The following C7 variants were observed in gnomAD, a reference collection of about 807,000 sequenced individuals.
C7 encodes complement C7.
C7 carries 83 observed loss-of-function variants against 104.8 expected under a neutral mutation model. The observed-to-expected ratio is 0.79, with a 90% CI of 0.66 to 0.95. The LOEUF (loss-of-function observed/expected upper bound fraction) is 0.95, where lower values mean the gene tolerates loss of function less well. Ranked by LOEUF, C7 falls within the 40% of genes least tolerant of loss-of-function variation. C7 has a pLI of 0.00. For missense variants in C7, 1,070 were observed against 1,011.2 expected (o/e 1.06, Z -0.79); for synonymous variants, 415 against 360.6 (o/e 1.15, Z -1.71).
At chr5:40,935,366 A>C (rs1739790005) in intron 4 of C7, among the ~76,000 whole-genome samples, 1 of 152,234 alleles carries the variant, frequency 6.6e-6, no homozygotes, top group Non-Finnish European at 1.5e-5. Context: ...CCTGGTACAT[A>C]ATAAGTTCTC....
At chr5:40,958,442 T>C (rs1283460002) in intron 11 of C7, among the ~76,000 whole-genome samples, 181 bp downstream of exon 11, 1 of 152,218 alleles carries the variant, frequency 6.6e-6, no homozygotes, top group African/African-American at 2.4e-5. Context: ...TTTGCTGTTA[T>C]CTCTATTTAT....
At chr5:40,919,720 T>C (rs2111619802) in intron 1 of C7, among the ~76,000 whole-genome samples, 1 of 152,042 alleles carries the variant, frequency 6.6e-6, no homozygotes, top group East Asian at 1.9e-4. Context: ...CAACAACCAA[T>C]AGGTCAATGA....
In C7 at chr5:40,945,863, C is replaced by CA. The variant is rs1164817868; in HGVS notation, c.738+504dup. On this transcript the variant is annotated intron_variant, in intron 7 of 17. Transcript: ENST00000313164. ...TGGGCAACAGAGTGAGACCCTGTCT[C>CA]AAAAAAAAATACATATATATATATA... Among the ~76,000 whole-genome samples, 86 of 105,546 alleles carry CA rather than the reference C, an allele frequency of 8.1e-4. 1 individual carries two copies. The highest frequency in any genetic ancestry group is 2.2e-3 in the African/African-American group (68 of 30,900). 69.2% of individuals were successfully genotyped at this position (105,546 alleles called of 152,430 possible). A position where few individuals can be genotyped will look rare whatever the true frequency, so the allele number is the denominator to read the frequency against.
At chr5:40,917,766 T>C (rs1489642051) in intron 1 of C7, among the ~76,000 whole-genome samples, 1 of 152,214 alleles carries the variant, frequency 6.6e-6, no homozygotes, top group African/African-American at 2.4e-5. Flanking sequence ...CATGGTTCTT[T>C]CACTTTTTAT....
intron 1 of C7, among the ~76,000 whole-genome samples, chr5:40,920,715 C>G (rs1739420736): frequency 6.6e-6 from 1 of 151,998 alleles, no homozygotes; most frequent in Non-Finnish European, 1.5e-5. Context: ...GGGAAGAGGT[C>G]AAGTTATTCT....
Position 40,972,472 on chromosome 5 carries a change from T to G in C7, c.1952T>G (p.Val651Gly). Reference protein sequence around the residue: ...QSHPQKPFYTVGEKVTVSCSG... With the variant: ...QSHPQKPFYTGGEKVTVSCSG... ...CACCCCCAAAAACCTTTCTACACAG[T>G]TGGTGAGAAGGTGACTGTTTCCTGT... is the stretch of plus-strand genomic sequence containing the variant. Residue 651 changes from valine (V) to glycine (G), a missense_variant, in exon 15 of 18, where the codon GTT becomes GGT. Coordinates refer to ENST00000313164, the MANE Select transcript of C7 (RefSeq NM_000587.4). 2.5e-6 allele frequency: 4 copies of G among 1,613,860 alleles called. No individual in the cohort carries two copies. The highest frequency in any genetic ancestry group is 2.5e-6 in the Non-Finnish European group (3 of 1,179,768).
At chr5:40,942,274 G>C (rs1739956325) in intron 6 of C7, among the ~76,000 whole-genome samples, 1 of 152,176 alleles carries the variant, frequency 6.6e-6, no homozygotes, top group Non-Finnish European at 1.5e-5. Flanking sequence ...GGTTGTATTA[G>C]AACATGTATG....
At chr5:40,968,951 C>A (rs1423965850) in intron 14 of C7, among the ~76,000 whole-genome samples, 1 of 151,838 alleles carries the variant, frequency 6.6e-6, no homozygotes. Flanking sequence ...TACTTTTTTA[C>A]TGCATAGTGA....
intron 1 of C7, among the ~76,000 whole-genome samples, chr5:40,924,534 G>A (rs1739511622): frequency 6.6e-6 from 1 of 152,182 alleles, no homozygotes; most frequent in South Asian, 2.1e-4. Context: ...ACTCCAGTGG[G>A]GACTGTGTGG....
chr5:40,950,146 C>A (rs571651656), intron 9 of C7, 132 bp downstream of exon 9: 43 of 612,636 alleles, frequency 7.0e-5, no homozygotes, highest in Non-Finnish European at 3.5e-5. Context: ...TATTTTGTCA[C>A]CCAAGTATTA....
intron 6 of C7, among the ~76,000 whole-genome samples, chr5:40,937,919 T>C (rs1295926539): frequency 1.3e-5 from 2 of 152,278 alleles, no homozygotes; most frequent in East Asian, 3.9e-4. Flanking sequence ...TATACCTCAT[T>C]TGTAACTTCA....
intron 1 of C7, among the ~76,000 whole-genome samples, chr5:40,913,427 A>C (rs1160112465): frequency 3.3e-5 from 5 of 152,110 alleles, no homozygotes. Flanking sequence ...CCAATAGTAT[A>C]TATTGGTGGG....
intron 1 of C7, among the ~76,000 whole-genome samples, chr5:40,917,218 C>T (rs1167366538): frequency 6.6e-6 from 1 of 151,850 alleles, no homozygotes; most frequent in Non-Finnish European, 1.5e-5. Flanking sequence ...GAACTTATTC[C>T]TTCTATGTAA....
chr5:40,967,666 CG>C, intron 14 of C7: 1 of 196,412 alleles, frequency 5.1e-6, no homozygotes, highest in Non-Finnish European at 1.1e-5. Context: ...CAAGCATTTC[CG>C]AACATAGTGA....
At chr5:40,941,105 C>G (rs549732820) in intron 6 of C7, among the ~76,000 whole-genome samples, 1 of 151,168 alleles carries the variant, frequency 6.6e-6, no homozygotes, top group Non-Finnish European at 1.5e-5. Context: ...ACCCATTTGC[C>G]CAGGCTGGAG....
Position 40,983,475 on chromosome 5 carries a change from T to A in C7, c.*1902T>A, listed in dbSNP as rs1740997768. On this transcript the variant is annotated 3_prime_UTR_variant, in exon 18 of 18. Coordinates refer to ENST00000313164, the MANE Select transcript of C7 (RefSeq NM_000587.4). ...TTTGAGAAAGGAATTTCAGCAGAGT[T>A]ATTGAAGGAGAAGTCAAGGAGAGGA... 6.6e-6 allele frequency among the ~76,000 whole-genome samples: 1 copy of A among 152,028 alleles called. No homozygotes were observed. The highest frequency in any genetic ancestry group is 1.5e-5 in the Non-Finnish European group (1 of 67,998).
chr5:40,928,424 G>T (rs762606320), intron 1 of C7, among the ~76,000 whole-genome samples, 156 bp from the exon 2 acceptor site: 3 of 152,156 alleles, frequency 2.0e-5, no homozygotes, highest in Admixed American at 6.6e-5. Flanking sequence ...TTAGGTGATA[G>T]ATATGTTAAC....
rs536648074 is a variant in C7 at position 40,983,038 on chromosome 5, T to G, written c.*1465T>G. The G allele has an allele frequency of 6.6e-6, 1 of 152,506 alleles. No individual in the cohort carries two copies. Among genetic ancestry groups the G allele is most frequent in the African/African-American group, 2.4e-5 (1 of 41,596 alleles). 9.4% of individuals were successfully genotyped at this position (152,506 alleles called of 1,614,324 possible). ...TTTTATGTCTGATCCAGATCTAGCT[T>G]TTTGTATCAAAGTGTGCCCTAAGGG... On this transcript the variant is annotated 3_prime_UTR_variant, in exon 18 of 18. Coordinates refer to ENST00000313164, the MANE Select transcript of C7 (RefSeq NM_000587.4).
chr5:40,978,873 A>ATTTTTTTTTTTTTTTTTTTT lies in C7; in HGVS notation c.2166-847_2166-828dup, dbSNP rs372551834. On this transcript the variant is annotated intron_variant, in intron 16 of 17. Transcript: ENST00000313164. ...GAGGAAGGTAACACATTTTATGGAA[A>ATTTTTTTTTTTTTTTTTTTT]TTTTTTTTTTTTTTTTTTTTTTTTG... Among the ~76,000 whole-genome samples the ATTTTTTTTTTTTTTTTTTTT allele has an allele frequency of 1.5e-4, 12 of 80,082 alleles. 1 individual carries two copies. Among genetic ancestry groups the ATTTTTTTTTTTTTTTTTTTT allele is most frequent in the Non-Finnish European group, 2.2e-4 (9 of 40,178 alleles). 52.5% of individuals were successfully genotyped at this position (80,082 alleles called of 152,430 possible).
Sources: gnomAD v4.1 joint callset for allele counts (sites outside exome capture counted in the v4.1 genomes callset) on GRCh38, gnomAD v4.1.1 for gene constraint, MANE v1.5 for transcripts, NCBI Gene and HGNC (gene_info 2026-07-23, HGNC 2026-07-21) for gene names.